The following PLA2G4F variants were observed in gnomAD, a reference collection of about 807,000 sequenced individuals.
The protein encoded by PLA2G4F is cytosolic phospholipase A2 zeta.
In PLA2G4F, 105 loss-of-function variants were observed where a neutral mutation model predicts 103.1. That is an observed-to-expected ratio of 1.02 (90% CI 0.87 to 1.20). The LOEUF is 1.20. PLA2G4F is among the 50% of genes most tolerant of loss of function. PLA2G4F has a pLI of 0.00. For synonymous variants in PLA2G4F, 468 were observed against 441.1 expected (o/e 1.06, Z -0.76); for missense variants, 1,155 against 1,075.9 (o/e 1.07, Z -1.03).
rs779418608 is a variant in PLA2G4F at position 42,147,338 on chromosome 15, G to C, written c.1205C>G (p.Ser402Cys). 3.7e-6 allele frequency: 6 copies of C among 1,606,444 alleles called. No homozygotes were observed. Among genetic ancestry groups the C allele is most frequent in the Non-Finnish European group, 5.1e-6 (6 of 1,179,784 alleles). Residue 402 changes from serine to cysteine, a missense_variant, in exon 13 of 20, where the codon TCC (serine) becomes TGC (cysteine). By Grantham distance (112) the Ser-to-Cys change is moderately radical (BLOSUM62 -1). Transcript: ENST00000397272. Reference sequence around the variant, plus strand: ...CCAGGCTGGGTCCCTGTAGAGTGTGGAGATGCACCTGGGGATTGGAGGTGT... The same window carrying C: ...CCAGGCTGGGTCCCTGTAGAGTGTGCAGATGCACCTGGGGATTGGAGGTGT... The part of the protein sequence containing the change: ...SGVSGSTWCI[S>C]TLYRDPAWSQ...
chr15:42,153,707 C>A (rs746196841), intron 4 of PLA2G4F, 47 bp from the exon 5 acceptor site: 2 of 1,606,310 alleles, frequency 1.2e-6, no homozygotes, highest in South Asian at 2.2e-5. Flanking sequence ...GCTCCAAAAG[C>A]CTCCAGAGCT....
rs528837034 is a variant in PLA2G4F at position 42,149,626 on chromosome 15, C to G, written c.1059+87G>C. The G allele has an allele frequency of 1.9e-6, 3 of 1,556,278 alleles. No individual in the cohort carries two copies. In the East Asian group the frequency reaches 6.9e-5, roughly 36 times the overall value. ...GGTGAACAGGCCAACCTCCTCTGGC[C>G]CCTCTTAGCCATGCTGGTCCTCTCA... On this transcript the variant is annotated intron_variant, in intron 11 of 19. Coordinates refer to ENST00000397272, the MANE Select transcript of PLA2G4F (RefSeq NM_213600.4).
rs1161214977 is a variant in PLA2G4F at position 42,141,846 on chromosome 15, G to A, written c.*138C>T. ...TGCAATTCTGCAAGAGCTTTCCGGG[G>A]CCTGGGGCACCTCGAGGCAGGTCCT... On this transcript the variant is annotated 3_prime_UTR_variant, in exon 20 of 20. Transcript: ENST00000397272. 17 of 872,954 alleles carry A rather than the reference G, an allele frequency of 1.9e-5. No individual in the cohort carries two copies. Among genetic ancestry groups the A allele is most frequent in the Non-Finnish European group, 3.5e-6 (2 of 572,824 alleles). 54.1% of individuals were successfully genotyped at this position (872,954 alleles called of 1,614,324 possible).
chr15:42,147,308 T>C lies in PLA2G4F; in HGVS notation c.1235A>G (p.Gln412Arg), dbSNP rs1316898438. ...STLYRDPAWSQVALQGPIERA... is the reference protein window; with the variant it reads ...STLYRDPAWSRVALQGPIERA... ...CTCAATGGGGCCCTGCAAGGCCACC[T>C]GGGACCAGGCTGGGTCCCTGTAGAG... Residue 412 changes from glutamine (Q) to arginine (R), a missense_variant, in exon 13 of 20, where the codon CAG becomes CGG. This residue lies in a region of PLA2G4F where 782 missense variants were observed against 692.9 expected (regional missense o/e 1.13). Coordinates refer to ENST00000397272, the MANE Select transcript of PLA2G4F (RefSeq NM_213600.4). The C allele has an allele frequency of 6.2e-7, 1 of 1,609,876 alleles. No homozygotes were observed. The highest frequency in any genetic ancestry group is 1.7e-5 in the Admixed American group (1 of 60,010).
chr15:42,145,717 G>A, intron 15 of PLA2G4F, 35 bp from the exon 16 acceptor site: 1 of 1,613,598 alleles, frequency 6.2e-7, no homozygotes. Flanking sequence ...CCCACGTCAG[G>A]GCCTGGCCCC....
At chr15:42,153,896 C>T (rs2048985079) in intron 4 of PLA2G4F, among the ~76,000 whole-genome samples, 196 bp downstream of exon 4, 1 of 152,198 alleles carries the variant, frequency 6.6e-6, no homozygotes, top group Admixed American at 6.5e-5. Context: ...GAACACACAG[C>T]CCTCAAGGAG....
Position 42,156,576 on chromosome 15 carries a change from G to A in PLA2G4F, c.-27C>T, listed in dbSNP as rs2049018197. Reference sequence around the variant, plus strand: ...GCTGGGCAGCCCGGGCCCCAGCAGGGAACCCTGCCTGCGCTCCTCTGGTTG... The same window carrying A: ...GCTGGGCAGCCCGGGCCCCAGCAGGAAACCCTGCCTGCGCTCCTCTGGTTG... On this transcript the variant is annotated 5_prime_UTR_variant, in exon 1 of 20. Coordinates refer to ENST00000397272, the MANE Select transcript of PLA2G4F (RefSeq NM_213600.4). 2.7e-6 allele frequency: 4 copies of A among 1,491,882 alleles called. No homozygotes were observed. The Admixed American group carries it at 6.4e-5, about 24-fold the overall frequency. 92.4% of individuals were successfully genotyped at this position (1,491,882 alleles called of 1,614,324 possible). A position where few individuals can be genotyped will look rare whatever the true frequency, so the allele number is the denominator to read the frequency against.
At chr15:42,151,756 A>C in intron 7 of PLA2G4F, 4 of 780,000 alleles carry the variant, frequency 5.1e-6, no homozygotes, top group Non-Finnish European at 6.2e-6. Context: ...AAACCATATA[A>C]TCCGTGGTTG....
Position 42,146,143 on chromosome 15 carries a change from A to G in PLA2G4F, c.1518T>C (p.Ser506=). ...YTSVNVRTNL[S]GEDFAEWCEF... is the part of the protein sequence containing the mutation. ...CCCAGGCACCTGCAAAATCTTCCCC[A>G]CTCAAGTTGGTGCGGACGTTGACAC... The change falls in exon 14 of 20, where the codon AGT becomes AGC. Residue 506 remains serine, a synonymous_variant. Transcript: ENST00000397272. 6.2e-7 allele frequency: 1 copy of G among 1,614,000 alleles called. No individual in the cohort carries two copies. The highest frequency in any genetic ancestry group is 2.2e-5 in the East Asian group (1 of 44,878).
rs547795687 is a variant in PLA2G4F, at chr15:42,143,257, C to T, written c.2143-543G>A. Among the ~76,000 whole-genome samples the T allele has an allele frequency of 3.4e-5, 5 of 145,674 alleles. No individual in the cohort carries two copies. The South Asian group carries it at 1.1e-3, about 32-fold the overall frequency. Reference sequence around the variant, plus strand: ...ATTAACAATAATCAGTAATGATCAACAATCAATCATCCACTGCCTCAACAG... The same window carrying T: ...ATTAACAATAATCAGTAATGATCAATAATCAATCATCCACTGCCTCAACAG... On this transcript the variant is annotated intron_variant, in intron 18 of 19. Coordinates refer to ENST00000397272, the MANE Select transcript of PLA2G4F (RefSeq NM_213600.4).
intron 8 of PLA2G4F, 38 bp from the exon 9 acceptor site, chr15:42,150,524 G>T: frequency 6.2e-7 from 1 of 1,602,228 alleles, no homozygotes; most frequent in Non-Finnish European, 8.5e-7. Context: ...TCTCCAGCAG[G>T]GAAGAAAAGT....
chr15:42,150,224 T>A, intron 9 of PLA2G4F, 83 bp from the exon 10 acceptor site: 1 of 1,592,656 alleles, frequency 6.3e-7, no homozygotes, highest in African/African-American at 1.3e-5. Context: ...CAGCCCTTGC[T>A]GCCCTGCGAT....
Position 42,142,676 on chromosome 15 carries a change from T to A in PLA2G4F, c.2181A>T (p.Gly727=). Residue 727 remains glycine (G), a synonymous_variant, in exon 19 of 20, where the codon GGA becomes GGT. Transcript: ENST00000397272. The stretch of plus-strand genomic sequence containing the variant: ...CCACCTCGATGCTAGGGAAGGGGAT[T>A]CCTCGGTCCAGGCAGTACTTCTCTG... ...KMTEKYCLDR[G]IPFPSIEVGP... is the part of the protein sequence containing the mutation. The A allele has an allele frequency of 6.2e-7, 1 of 1,614,064 alleles. No homozygotes were observed. The highest frequency in any genetic ancestry group is 2.2e-5 in the East Asian group (1 of 44,866).
chr15:42,139,791 C>A lies in PLA2G4F; in HGVS notation c.*2193G>T. On this transcript the variant is annotated 3_prime_UTR_variant, in exon 20 of 20. Coordinates refer to ENST00000397272, the MANE Select transcript of PLA2G4F (RefSeq NM_213600.4). ...CCAATATCTGGGCCACAGCACTAGC[C>A]CAGCCTCCTGCCCCCTGCCCCCTGC... 1 of 152,754 alleles carries A rather than the reference C, an allele frequency of 6.5e-6. No homozygotes were observed. The allele number at this position is 152,754 out of a possible 1,614,324, so 9.5% of individuals were successfully genotyped here. A position where few individuals can be genotyped will look rare whatever the true frequency, so the allele number is the denominator to read the frequency against.
In PLA2G4F at chr15:42,147,655, G is replaced by A; in HGVS notation, c.1167C>T (p.Thr389=). The change falls in exon 12 of 20, where the codon ACC becomes ACT. Residue 389 remains threonine (T), a synonymous_variant. Coordinates refer to ENST00000397272, the MANE Select transcript of PLA2G4F (RefSeq NM_213600.4). ...TAGACCCAGAGACCCCACTCAGGTA[G>A]GTCACAGTGTCTAGAAGGCCGAGCT... is the stretch of plus-strand genomic sequence containing the variant. The part of the protein sequence containing the change: ...LQELGLLDTV[T]YLSGVSGSTW... The A allele has an allele frequency of 6.2e-7, 1 of 1,614,086 alleles. No individual in the cohort carries two copies.
intron 7 of PLA2G4F, chr15:42,151,559 G>A: frequency 1.0e-6 from 1 of 985,364 alleles, no homozygotes; most frequent in Non-Finnish European, 1.2e-6. Flanking sequence ...AGTATGCGAG[G>A]ACAGCAGACA....
At chr15:42,155,700 G>A (rs2049008802) in intron 1 of PLA2G4F, 111 bp from the exon 2 acceptor site, 4 of 1,074,302 alleles carry the variant, frequency 3.7e-6, no homozygotes, top group Admixed American at 2.0e-5. Flanking sequence ...GGTCACTGAC[G>A]TCTCTGTGCC....
intron 18 of PLA2G4F, among the ~76,000 whole-genome samples, chr15:42,143,171 C>G (rs2048842661): frequency 1.1e-5 from 1 of 94,082 alleles, no homozygotes; most frequent in African/African-American, 4.5e-5. Flanking sequence ...GAGTGAGACT[C>G]CATCTAAAAA....
rs1288072208 is a variant in PLA2G4F at position 42,149,881 on chromosome 15, G to A, written c.924-33C>T. ...AAGTAGGGTGGGGTGGCGGTGGGGG[G>A]TTCTGGGTGACTGTCCAGTGGAGGA... On this transcript the variant is annotated intron_variant, in intron 10 of 19. Coordinates refer to ENST00000397272, the MANE Select transcript of PLA2G4F (RefSeq NM_213600.4). 1.9e-6 allele frequency: 3 copies of A among 1,608,326 alleles called. No individual in the cohort carries two copies. The South Asian group carries it at 3.3e-5, about 18-fold the overall frequency.
Sources: allele counts gnomAD v4.1 joint callset (sites outside exome capture counted in the v4.1 genomes callset), GRCh38; gene constraint gnomAD v4.1.1; regional missense constraint gnomAD v4.1.1; transcripts MANE v1.5; gene names NCBI Gene and HGNC (gene_info 2026-07-23, HGNC 2026-07-21).